The following CDH23 variants were observed in gnomAD, a reference collection of about 807,000 sequenced individuals.
The protein encoded by CDH23 is cadherin-23.
In CDH23, 189 loss-of-function variants were observed where a neutral mutation model predicts 317.1. The ratio of observed to expected loss-of-function variants is 0.60; its 90% CI spans 0.53 to 0.67. The LOEUF is 0.67. CDH23 is among the 30% of genes least tolerant of loss of function. The pLI, the probability that CDH23 is intolerant of heterozygous loss-of-function variation, is 0.00. For synonymous variants in CDH23, 1,839 were observed against 1,876.8 expected (o/e 0.98, Z 0.52); for missense variants, 4,401 against 4,592.4 (o/e 0.96, Z 1.20).
intron 38 of CDH23, among the ~76,000 whole-genome samples, chr10:71,770,270 A>G (rs1840656911): frequency 1.3e-5 from 2 of 152,246 alleles, no homozygotes; most frequent in Non-Finnish European, 2.9e-5. Context: ...GGCTCTTCAC[A>G]GTTGCCCTCC....
chr10:71,690,459 C>A lies in CDH23; in HGVS notation c.2060-9C>A. On this transcript the variant is annotated splice_polypyrimidine_tract_variant and intron_variant, in intron 19 of 69. Coordinates refer to ENST00000224721, the MANE Select transcript of CDH23 (RefSeq NM_022124.6). ...AGCACCCCCTGCCCCCACCTTTTTCCCCCTGAAGGAGCCACGGTGCTGTTC... is the reference window on the plus strand; with the variant it reads ...AGCACCCCCTGCCCCCACCTTTTTCACCCTGAAGGAGCCACGGTGCTGTTC... 6.3e-7 allele frequency: 1 copy of A among 1,586,396 alleles called. No individual in the cohort carries two copies. Among genetic ancestry groups the A allele is most frequent in the East Asian group, 2.3e-5 (1 of 43,610 alleles).
intron 3 of CDH23, among the ~76,000 whole-genome samples, chr10:71,456,410 G>C (rs10999818): frequency 0.1 from 14,865 of 143,876 alleles, 1,586 homozygotes; most frequent in African/African-American, 0.23. Flanking sequence ...TAAGGTGATA[G>C]AACAGACTGT....
chr10:71,680,810 CT>C (rs562449159), intron 17 of CDH23, among the ~76,000 whole-genome samples: 4,251 of 100,534 alleles, frequency 0.042, 311 homozygotes, highest in East Asian at 0.38. Flanking sequence ...CTCTGTCTTT[CT>C]TTTTTTTTTT....
At chr10:71,549,606 C>A (rs1856471059) in intron 6 of CDH23, among the ~76,000 whole-genome samples, 1 of 152,244 alleles carries the variant, frequency 6.6e-6, no homozygotes, top group Admixed American at 6.5e-5. Flanking sequence ...GGTAGAGAAT[C>A]CCGAGGCTCA....
At chr10:71,503,746 G>A (rs1853474023) in intron 3 of CDH23, among the ~76,000 whole-genome samples, 1 of 152,186 alleles carries the variant, frequency 6.6e-6, no homozygotes, top group Non-Finnish European at 1.5e-5. Flanking sequence ...GCTAGACTCT[G>A]CTGATTGAGA....
intron 9 of CDH23, among the ~76,000 whole-genome samples, chr10:71,604,011 C>G (rs1016461443): frequency 2.6e-5 from 4 of 152,226 alleles, no homozygotes; most frequent in African/African-American, 7.2e-5. Flanking sequence ...TCTCTAGAGG[C>G]AGACAGGCTG....
intron 6 of CDH23, among the ~76,000 whole-genome samples, chr10:71,519,959 T>C (rs1854569958): frequency 6.6e-6 from 1 of 152,044 alleles, no homozygotes; most frequent in African/African-American, 2.4e-5. Flanking sequence ...TAGCTAATTT[T>C]TGTATTTTTT....
chr10:71,582,822 C>G (rs557771254), intron 9 of CDH23, among the ~76,000 whole-genome samples: 1 of 152,194 alleles, frequency 6.6e-6, no homozygotes, highest in Non-Finnish European at 1.5e-5. Flanking sequence ...GACCAGGGCA[C>G]CATCTTCGCC....
At chr10:71,687,505 C>T in intron 18 of CDH23, 142 bp from the exon 19 acceptor site, 2 of 722,844 alleles carry the variant, frequency 2.8e-6, no homozygotes, top group East Asian at 5.4e-5. Flanking sequence ...GCTGACACCT[C>T]ACCTGGCTCT....
At chr10:71,565,754 G>A (rs2132354940) in intron 6 of CDH23, among the ~76,000 whole-genome samples, 1 of 152,286 alleles carries the variant, frequency 6.6e-6, no homozygotes, top group Non-Finnish European at 1.5e-5. Context: ...GATATGATTA[G>A]CTTCAGTGTA....
intron 30 of CDH23, 60 bp from the exon 31 acceptor site, chr10:71,730,409 C>A (rs1304380311): frequency 1.3e-6 from 2 of 1,588,624 alleles, no homozygotes; most frequent in East Asian, 2.2e-5. Context: ...GTGGGCCAAG[C>A]CCTGGGCTTC....
chr10:71,548,579 T>C (rs748998442), intron 6 of CDH23, among the ~76,000 whole-genome samples: 2 of 152,158 alleles, frequency 1.3e-5, no homozygotes, highest in African/African-American at 2.4e-5. Flanking sequence ...ATGTGCAGCC[T>C]CCCTGCAGGT....
intron 52 of CDH23, 43 bp downstream of exon 52, chr10:71,799,672 C>T (rs370316353): frequency 5.4e-5 from 87 of 1,613,440 alleles, no homozygotes; most frequent in Admixed American, 3.5e-4. Flanking sequence ...GTGGGAAGGA[C>T]CCAGGGTCAG....
At chr10:71,740,756 G>A (rs1427833831) in intron 36 of CDH23, 66 bp from the exon 37 acceptor site, 3 of 1,602,230 alleles carry the variant, frequency 1.9e-6, no homozygotes, top group Non-Finnish European at 2.6e-6. Flanking sequence ...AGCCCTTTTG[G>A]ACTCCATATT....
At chr10:71,629,792 G>A (rs960182206) in intron 11 of CDH23, among the ~76,000 whole-genome samples, 2 of 152,168 alleles carry the variant, frequency 1.3e-5, no homozygotes, top group Non-Finnish European at 2.9e-5. Context: ...GACACGGGAA[G>A]CAGATTAGTG....
At position 71,581,513 on chromosome 10, in the gene CDH23, G is replaced by A. The variant is rs188675874; in HGVS notation, c.832+3521G>A. Among the ~76,000 whole-genome samples the A allele has an allele frequency of 2.4e-4, 36 of 152,326 alleles. 1 individual carries two copies. The East Asian group carries it at 5.8e-3, about 25-fold the overall frequency. On this transcript the variant is annotated intron_variant, in intron 9 of 69. Transcript: ENST00000224721. ...CCCCTCCAGGCTGTTTATCAGCCCC[G>A]CAGCTGTGGGGATTTATGTCTGCAC...
intron 3 of CDH23, among the ~76,000 whole-genome samples, chr10:71,490,305 T>C (rs1425512887): frequency 1.3e-5 from 2 of 152,222 alleles, no homozygotes; most frequent in Non-Finnish European, 2.9e-5. Flanking sequence ...ACCTACTGCA[T>C]GTTATTAGAA....
intron 2 of CDH23, among the ~76,000 whole-genome samples, chr10:71,440,674 G>A (rs117805207): frequency 0.024 from 3,690 of 152,314 alleles, 60 homozygotes; most frequent in Middle Eastern, 0.051. Context: ...GAGGGTAGGA[G>A]AGGCCTGGGC....
chr10:71,770,703 T>G (rs1840665604), intron 38 of CDH23, among the ~76,000 whole-genome samples: 1 of 152,198 alleles, frequency 6.6e-6, no homozygotes, highest in Non-Finnish European at 1.5e-5. Flanking sequence ...CCATACACTG[T>G]GTGCGGATAG....
Sources: gnomAD v4.1 joint callset for allele counts (sites outside exome capture counted in the v4.1 genomes callset) on GRCh38, gnomAD v4.1.1 for gene constraint, MANE v1.5 for transcripts, NCBI Gene and HGNC (gene_info 2026-07-23, HGNC 2026-07-21) for gene names.